Variants in SLC2A8 observed in about 807,000 individuals in gnomAD.
SLC2A8 encodes solute carrier family 2 member 8.
In SLC2A8, 53 loss-of-function variants were observed where a neutral mutation model predicts 49.2. The observed-to-expected ratio is 1.08, with a 90% CI of 0.86 to 1.35. The LOEUF (loss-of-function observed/expected upper bound fraction) is 1.35. Ranked by LOEUF, SLC2A8 falls within the 40% of genes most tolerant of loss-of-function variation. SLC2A8 has a pLI of 0.00. For synonymous variants in SLC2A8, 299 were observed against 297.0 expected, an observed-to-expected ratio of 1.01 and a Z score of -0.07; for missense variants, 688 against 671.7, an observed-to-expected ratio of 1.02 and a Z score of -0.27.
At chr9:127,405,399 T>C in intron 8 of SLC2A8, 21 bp from the exon 9 acceptor site, 1 of 1,611,186 alleles carries the variant, frequency 6.2e-7, no homozygotes. Context: ...GATGCCTGTC[T>C]TGCCTGTCTC....
chr9:127,398,469 T>A, intron 3 of SLC2A8: 1 of 528,296 alleles, frequency 1.9e-6, no homozygotes, highest in Non-Finnish European at 3.6e-6. Flanking sequence ...GCCCACTCCC[T>A]ACATTTTGGT....
At chr9:127,406,503 T>G (rs776229000) in intron 9 of SLC2A8, among the ~76,000 whole-genome samples, 12 of 152,114 alleles carry the variant, frequency 7.9e-5, no homozygotes, top group Non-Finnish European at 1.5e-4. Context: ...TAACAGTCCT[T>G]TTTTAGGAGA....
chr9:127,403,725 G>A lies in SLC2A8; in HGVS notation c.789G>A (p.Leu263=). The change falls in exon 6 of 10, where the codon CTG becomes CTA. Residue 263 remains leucine (L), a synonymous_variant. Coordinates refer to ENST00000373371, the MANE Select transcript of SLC2A8 (RefSeq NM_014580.5). ...IYKPFIIGVS[L]MAFQQLSGVN... ...AGCCCTTCATCATCGGCGTCTCCCT[G>A]ATGGCCTTCCAGCAGCTGTCGGGGG... 5.6e-6 allele frequency: 9 copies of A among 1,613,236 alleles called. No individual in the cohort carries two copies. The highest frequency in any genetic ancestry group is 7.6e-6 in the Non-Finnish European group (9 of 1,179,990).
Position 127,404,782 on chromosome 9 carries a change from C to T in SLC2A8, c.977-36C>T, listed in dbSNP as rs114827209. The T allele has an allele frequency of 2.3e-3, 3,725 of 1,594,054 alleles. 74 individuals carry two copies. The African/African-American group carries it at 0.044, about 19-fold the overall frequency. ...TGCTGCTGCGCCCTGGGCCGTTCCC[C>T]GGGTGCCCCGCCCACTGCCGCCCTC... On this transcript the variant is annotated intron_variant, in intron 7 of 9. Coordinates refer to ENST00000373371, the MANE Select transcript of SLC2A8 (RefSeq NM_014580.5).
At chr9:127,404,118 G>A (rs769416010) in intron 7 of SLC2A8, 51 bp downstream of exon 7, 12 of 1,308,878 alleles carry the variant, frequency 9.2e-6, no homozygotes, top group South Asian at 5.0e-5. Flanking sequence ...GAGGGCCTTC[G>A]CCAAGGCCAC....
intron 7 of SLC2A8, 126 bp from the exon 8 acceptor site, chr9:127,404,692 G>A (rs993065741): frequency 2.6e-6 from 3 of 1,138,178 alleles, no homozygotes; most frequent in Middle Eastern, 3.0e-4. Context: ...CGGCCAAGGT[G>A]CCAGAACACC....
chr9:127,397,349 C>A (rs1490513028), intron 1 of SLC2A8, 27 bp from the exon 2 acceptor site: 1 of 1,408,776 alleles, frequency 7.1e-7, no homozygotes, highest in Admixed American at 3.5e-5. Flanking sequence ...GCGTCCGCTC[C>A]GCTCACCCTC....
chr9:127,406,423 G>C (rs1833495311), intron 9 of SLC2A8, among the ~76,000 whole-genome samples: 1 of 152,188 alleles, frequency 6.6e-6, no homozygotes, highest in African/African-American at 2.4e-5. Flanking sequence ...GAGATTACTT[G>C]CTGCAGCTGG....
chr9:127,405,535 T>A lies in SLC2A8; in HGVS notation c.1266T>A (p.Phe422Leu). The A allele has an allele frequency of 6.2e-7, 1 of 1,613,256 alleles. No homozygotes were observed. The highest frequency in any genetic ancestry group is 8.5e-7 in the Non-Finnish European group (1 of 1,180,000). Residue 422 changes from phenylalanine to leucine, a missense_variant, in exon 9 of 10, where the codon TTT becomes TTA. Phe to Leu is a conservative substitution (Grantham distance 22, BLOSUM62 0). Transcript: ENST00000373371. The part of the protein sequence containing the change: ...ICVLTNWLMA[F>L]LVTKEFSSLM... ...TCCTCACCAACTGGCTCATGGCCTT[T>A]CTCGTGACCAAGGAGTTCAGCAGCC...
intron 4 of SLC2A8, among the ~76,000 whole-genome samples, chr9:127,400,707 G>A (rs1013248226): frequency 6.6e-6 from 1 of 152,164 alleles, no homozygotes. Context: ...GAGTTGCAAC[G>A]TGAAGGAGGC....
rs1212004723 is a variant in SLC2A8 at position 127,402,590 on chromosome 9, T to C, written c.560T>C (p.Leu187Pro). ...CTGGAGTGGCGCTGGCTGGCTGTGC[T>C]GGGCTGCGTGCCCCCCTCCCTCATG... ...WVLEWRWLAV[L>P]GCVPPSLMLL... Residue 187 changes from leucine to proline, a missense_variant, in exon 5 of 10, where the codon CTG (leucine) becomes CCG (proline). Coordinates refer to ENST00000373371, the MANE Select transcript of SLC2A8 (RefSeq NM_014580.5). The C allele has an allele frequency of 6.3e-7, 1 of 1,588,700 alleles. No individual in the cohort carries two copies. Among genetic ancestry groups the C allele is most frequent in the Non-Finnish European group, 8.5e-7 (1 of 1,171,012 alleles).
At position 127,404,931 on chromosome 9, in the gene SLC2A8, G is replaced by A. The variant is rs1395364168; in HGVS notation, c.1090G>A (p.Val364Ile). Reference protein sequence around the residue: ...AISAPVSAQPVDASVGLAWLA... With the variant: ...AISAPVSAQPIDASVGLAWLA... ...CTCGGCGCCTGTCTCTGCACAGCCT[G>A]TTGATGCCAGCGTGGGGCTGGCCTG... Residue 364 changes from valine (V) to isoleucine (I), a missense_variant, in exon 8 of 10, where the codon GTT becomes ATT. By Grantham distance (29) the Val-to-Ile change is conservative (BLOSUM62 3). Coordinates refer to ENST00000373371, the MANE Select transcript of SLC2A8 (RefSeq NM_014580.5). The A allele has an allele frequency of 1.2e-6, 2 of 1,611,982 alleles. No individual in the cohort carries two copies. Among genetic ancestry groups the A allele is most frequent in the South Asian group, 1.1e-5 (1 of 91,080 alleles).
intron 3 of SLC2A8, among the ~76,000 whole-genome samples, chr9:127,398,805 T>C (rs1833151444): frequency 6.6e-6 from 1 of 152,218 alleles, no homozygotes; most frequent in Non-Finnish European, 1.5e-5. Context: ...AGACAGCCCC[T>C]GGCATGGCTT....
chr9:127,397,262 C>G lies in SLC2A8; in HGVS notation c.32C>G (p.Pro11Arg), dbSNP rs778222944. Residue 11 changes from proline to arginine, a missense_variant, in exon 1 of 10, where the codon CCG (proline) becomes CGG (arginine). By Grantham distance (103) the Pro-to-Arg change is moderately radical. Coordinates refer to ENST00000373371, the MANE Select transcript of SLC2A8 (RefSeq NM_014580.5). The part of the protein sequence containing the change: MTPEDPEETQ[P>R]LLGPPGGSAP... The stretch of plus-strand genomic sequence containing the variant: ...CCCGAGGACCCAGAGGAAACCCAGC[C>G]GCTTCTGGGGCCTCCTGGCGGCAGG... The G allele has an allele frequency of 2.3e-5, 32 of 1,422,142 alleles. No individual in the cohort carries two copies. In the South Asian group the frequency reaches 4.5e-4, roughly 20 times the overall value. The allele number at this position is 1,422,142 out of a possible 1,614,324, so 88.1% of individuals were successfully genotyped here.
At position 127,407,303 on chromosome 9, in the gene SLC2A8, C is replaced by T. The variant is rs1833527350; in HGVS notation, c.*54C>T. On this transcript the variant is annotated 3_prime_UTR_variant, in exon 10 of 10. Transcript: ENST00000373371. ...CTGTGACTCCAAGCTGGGCCCAAGC[C>T]CAGAGCCCCTGCCTGCCCCAGGGGA... 1.9e-6 allele frequency: 3 copies of T among 1,607,770 alleles called. No homozygotes were observed. Among genetic ancestry groups the T allele is most frequent in the Non-Finnish European group, 2.6e-6 (3 of 1,176,198 alleles).
rs199981418 is a variant in SLC2A8, at chr9:127,405,420, G to C, written c.1151G>C (p.Gly384Ala). 4.3e-6 allele frequency: 7 copies of C among 1,612,370 alleles called. No homozygotes were observed. The highest frequency in any genetic ancestry group is 5.9e-6 in the Non-Finnish European group (7 of 1,179,976). Residue 384 changes from glycine (G) to alanine (A), a missense_variant and splice_region_variant, in exon 9 of 10, where the codon GGC (glycine) becomes GCC (alanine). Transcript: ENST00000373371. ...AVGSMCLFIA[G>A]FAVGWGPIPW... ...TGTCTTGCCTGTCTCGCTCCCACAGGCTTTGCGGTGGGCTGGGGGCCCATC... is the reference window on the plus strand; with the variant it reads ...TGTCTTGCCTGTCTCGCTCCCACAGCCTTTGCGGTGGGCTGGGGGCCCATC...
Position 127,406,763 on chromosome 9 carries a change from A to G in SLC2A8, c.1297-349A>G, listed in dbSNP as rs138232156. Among the ~76,000 whole-genome samples, 344 of 133,698 alleles carry G rather than the reference A, an allele frequency of 2.6e-3. 5 individuals carry two copies. In the East Asian group the frequency reaches 0.053, roughly 20 times the overall value. 87.7% of individuals were successfully genotyped at this position (133,698 alleles called of 152,430 possible). Reference sequence around the variant, plus strand: ...GGGCCTCAGGGTGGGGCCAAAGCTGAGGGTGGAGGGTTGGTCTGTGGGCCC... The same window carrying G: ...GGGCCTCAGGGTGGGGCCAAAGCTGGGGGTGGAGGGTTGGTCTGTGGGCCC... On this transcript the variant is annotated intron_variant, in intron 9 of 9. Transcript: ENST00000373371.
In SLC2A8 at chr9:127,398,118, G is replaced by C. The variant is rs1833116329; in HGVS notation, c.426+7G>C. 2 of 1,571,584 alleles carry C rather than the reference G, an allele frequency of 1.3e-6. No individual in the cohort carries two copies. The highest frequency in any genetic ancestry group is 1.7e-5 in the Admixed American group (1 of 57,208). On this transcript the variant is annotated splice_region_variant and intron_variant, in intron 3 of 9. Transcript: ENST00000373371. ...TGCCTCCCTAGTGGCCCCGGTGAGT[G>C]TCCCGTCTCTCGAGTGTCCTGTCTC...
chr9:127,402,837 TGGG>T, intron 5 of SLC2A8, 84 bp downstream of exon 5: 1 of 1,411,760 alleles, frequency 7.1e-7, no homozygotes, highest in Non-Finnish European at 9.3e-7. Flanking sequence ...GCCACACACT[TGGG>T]GGGTGGGGGA....
Sources: allele counts gnomAD v4.1 joint callset (sites outside exome capture counted in the v4.1 genomes callset), GRCh38; gene constraint gnomAD v4.1.1; transcripts MANE v1.5; gene names NCBI Gene and HGNC (gene_info 2026-07-23, HGNC 2026-07-21).